Variants in ZKSCAN1 observed in about 807,000 individuals in gnomAD.
ZKSCAN1 encodes the protein zinc finger with KRAB and SCAN domains 1.
ZKSCAN1 carries 14 observed loss-of-function variants against 51.6 expected under a neutral mutation model. The observed-to-expected ratio is 0.27, with a 90% CI of 0.18 to 0.42. ZKSCAN1 has a LOEUF of 0.42. ZKSCAN1 is among the 10% of genes least tolerant of loss of function. The pLI is 1.00. For synonymous variants in ZKSCAN1, 263 were observed against 261.5 expected (o/e 1.01, Z -0.06); for missense variants, 531 against 710.0 (o/e 0.75, Z 2.86).
chr7:100,040,834 A>G lies in ZKSCAN1; in HGVS notation c.*6637A>G. 1.0e-5 allele frequency: 10 copies of G among 985,458 alleles called. No homozygotes were observed. The highest frequency in any genetic ancestry group is 1.2e-5 in the Non-Finnish European group (10 of 829,942). The allele number at this position is 985,458 out of a possible 1,614,324, so 61.0% of individuals were successfully genotyped here. A position where few individuals can be genotyped will look rare whatever the true frequency, so the allele number is the denominator to read the frequency against. On this transcript the variant is annotated 3_prime_UTR_variant, in exon 6 of 6. Coordinates refer to ENST00000324306, the MANE Select transcript of ZKSCAN1 (RefSeq NM_003439.4). ...TTTAAAGCTTTTAGCCTGCCCTAGC[A>G]AGGACAAAGCATGTTAGATTAGAGA...
rs553055325 is a variant in ZKSCAN1, at chr7:100,033,930, C to T, written c.1425C>T (p.Asp475=). The T allele has an allele frequency of 1.2e-5, 19 of 1,614,142 alleles. No individual in the cohort carries two copies. Among genetic ancestry groups the T allele is most frequent in the Admixed American group, 3.3e-5 (2 of 60,016 alleles). ...GGAAGGCCTTCAGCCAGAGCTCGGA[C>T]CTCACCAAGCATCAGAGAATTCACA... is the stretch of plus-strand genomic sequence containing the variant. ...ECGKAFSQSS[D]LTKHQRIHTG... The change falls in exon 6 of 6, where the codon GAC becomes GAT. Residue 475 remains aspartate (D), a synonymous_variant. Coordinates refer to ENST00000324306, the MANE Select transcript of ZKSCAN1 (RefSeq NM_003439.4). The surrounding 1 kb of genome is among the most constrained non-coding windows in gnomAD (Gnocchi z 4.1).
At position 100,015,713 on chromosome 7, in the gene ZKSCAN1, T is replaced by C. The variant is rs1250191603; in HGVS notation, c.-102T>C. The stretch of plus-strand genomic sequence containing the variant: ...TTCTCGCCCAGCGCCCCCAGGCCGC[T>C]CCCGGGGCTCACGGTGAGACTTGGG... On this transcript the variant is annotated 5_prime_UTR_variant, in exon 1 of 6. Transcript: ENST00000324306. 1.4e-5 allele frequency: 2 copies of C among 146,440 alleles called. No homozygotes were observed. The highest frequency in any genetic ancestry group is 2.2e-4 in the East Asian group (1 of 4,532). The allele number at this position is 146,440 out of a possible 1,614,324, so 9.1% of individuals were successfully genotyped here. A position where few individuals can be genotyped will look rare whatever the true frequency, so the allele number is the denominator to read the frequency against.
chr7:100,039,260 C>G lies in ZKSCAN1; in HGVS notation c.*5063C>G. 1.1e-6 allele frequency: 1 copy of G among 949,124 alleles called. No individual in the cohort carries two copies. The highest frequency in any genetic ancestry group is 1.3e-6 in the Non-Finnish European group (1 of 797,798). The allele number at this position is 949,124 out of a possible 1,614,324, so 58.8% of individuals were successfully genotyped here. On this transcript the variant is annotated 3_prime_UTR_variant, in exon 6 of 6. Coordinates refer to ENST00000324306, the MANE Select transcript of ZKSCAN1 (RefSeq NM_003439.4). ...CTGGGAGGCAGAGGTTGCAGTGAGC[C>G]GAGATTGCACCACTGCACTCCAGCC...
chr7:100,030,217 G>T (rs1243544693), intron 4 of ZKSCAN1, 32 bp from the exon 5 acceptor site: 1 of 1,606,414 alleles, frequency 6.2e-7, no homozygotes, highest in South Asian at 1.1e-5. Flanking sequence ...TGAGTTTGGG[G>T]GGAAATGACT....
chr7:100,026,725 A>AG (rs1362181920), intron 3 of ZKSCAN1, among the ~76,000 whole-genome samples: 26 of 152,030 alleles, frequency 1.7e-4, no homozygotes, highest in African/African-American at 5.8e-4. Flanking sequence ...ACTCTGTCTC[A>AG]GAAAAAAAAA....
At chr7:100,022,985 T>C (rs1254711379) in intron 1 of ZKSCAN1, among the ~76,000 whole-genome samples, 2 of 152,038 alleles carry the variant, frequency 1.3e-5, no homozygotes, top group South Asian at 2.1e-4. Context: ...ACAGTGGAGA[T>C]TGTACAGTTT....
Position 100,033,732 on chromosome 7 carries a change from G to A in ZKSCAN1, c.1227G>A (p.Glu409=), listed in dbSNP as rs1316198692. 5 of 1,614,088 alleles carry A rather than the reference G, an allele frequency of 3.1e-6. No individual in the cohort carries two copies. The highest frequency in any genetic ancestry group is 1.3e-5 in the African/African-American group (1 of 74,926). The change falls in exon 6 of 6, where the codon GAG becomes GAA. Residue 409 remains glutamate, a synonymous_variant. Coordinates refer to ENST00000324306, the MANE Select transcript of ZKSCAN1 (RefSeq NM_003439.4). The surrounding 1 kb of genome is among the most constrained non-coding windows in gnomAD (Gnocchi z 4.1). The part of the protein sequence containing the change: ...HTGEKPYECS[E]CGKAFSLNSN... Reference sequence around the variant, plus strand: ...GAGAAAAGCCCTATGAATGTAGTGAGTGTGGGAAAGCCTTCAGTCTTAACT... The same window carrying A: ...GAGAAAAGCCCTATGAATGTAGTGAATGTGGGAAAGCCTTCAGTCTTAACT...
Position 100,033,619 on chromosome 7 carries a change from A to G in ZKSCAN1, c.1114A>G (p.Thr372Ala). The change falls in exon 6 of 6, where the codon ACG (threonine) becomes GCG (alanine). Residue 372 changes from threonine to alanine, a missense_variant. Coordinates refer to ENST00000324306, the MANE Select transcript of ZKSCAN1 (RefSeq NM_003439.4). The surrounding 1 kb of genome is among the most constrained non-coding windows in gnomAD (Gnocchi z 4.1). ...CTTCACCACCCCTGAAGAAGTTCCC[A>G]CGGGAACAAAGTCTCACAGATGTGA... ...SNFTTPEEVP[T>A]GTKSHRCDEC... is the part of the protein sequence containing the mutation. 1 of 1,614,240 alleles carries G rather than the reference A, an allele frequency of 6.2e-7. No individual in the cohort carries two copies. The highest frequency in any genetic ancestry group is 1.1e-5 in the South Asian group (1 of 91,084).
Position 100,023,400 on chromosome 7 carries a change from C to CT in ZKSCAN1, c.-88-10dup, listed in dbSNP as rs200683439. On this transcript the variant is annotated intron_variant, in intron 1 of 5. Coordinates refer to ENST00000324306, the MANE Select transcript of ZKSCAN1 (RefSeq NM_003439.4). Reference sequence around the variant, plus strand: ...TTTTTGTAAAGGTACGTACTAATGACTTTTTTTTTATACTTCAGGAATAGT... The same window carrying CT: ...TTTTTGTAAAGGTACGTACTAATGACTTTTTTTTTTATACTTCAGGAATAGT... The CT allele has an allele frequency of 2.0e-3, 2,656 of 1,306,052 alleles. 3 individuals are homozygous for CT. The highest frequency in any genetic ancestry group is 2.5e-3 in the Non-Finnish European group (2,391 of 955,684). 80.9% of individuals were successfully genotyped at this position (1,306,052 alleles called of 1,614,324 possible).
chr7:100,039,912 A>AT lies in ZKSCAN1; in HGVS notation c.*5720dup. 1 of 982,480 alleles carries AT rather than the reference A, an allele frequency of 1.0e-6. No individual in the cohort carries two copies. Among genetic ancestry groups the AT allele is most frequent in the Non-Finnish European group, 1.2e-6 (1 of 827,308 alleles). 60.9% of individuals were successfully genotyped at this position (982,480 alleles called of 1,614,324 possible). The stretch of plus-strand genomic sequence containing the variant: ...GATCATTTCATAGAAATTAGGGTAG[A>AT]TTTTTATTTCAACTACTACTGGAGA... On this transcript the variant is annotated 3_prime_UTR_variant, in exon 6 of 6. Transcript: ENST00000324306.
At position 100,037,287 on chromosome 7, in the gene ZKSCAN1, T is replaced by C. The variant is rs1791406319; in HGVS notation, c.*3090T>C. 8 of 985,438 alleles carry C rather than the reference T, an allele frequency of 8.1e-6. No homozygotes were observed. The highest frequency in any genetic ancestry group is 9.6e-6 in the Non-Finnish European group (8 of 829,926). 61.0% of individuals were successfully genotyped at this position (985,438 alleles called of 1,614,324 possible). ...TGGAAATTTTTGAAGAGTTTTTCAA[T>C]ATATACCCTACCCTTGCCAGGAAGA... On this transcript the variant is annotated 3_prime_UTR_variant, in exon 6 of 6. Transcript: ENST00000324306.
intron 2 of ZKSCAN1, 94 bp downstream of exon 2, chr7:100,024,026 G>A (rs981986796): frequency 1.8e-5 from 28 of 1,520,504 alleles, no homozygotes; most frequent in Middle Eastern, 3.5e-4. Context: ...TTATTAGGTG[G>A]TTACTCTGTC....
rs2115934400 is a variant in ZKSCAN1, at chr7:100,033,179, A to G, written c.800-126A>G. ...AGAGCGAGACTCTGTCTCAAAGGAA[A>G]TAAAAATAAAAATATTGCAAAGTCA... On this transcript the variant is annotated intron_variant, in intron 5 of 5. Transcript: ENST00000324306. This position sits in a 1 kb window ranked among gnomAD's most constrained non-coding sequence, Gnocchi z 4.1. 7.0e-7 allele frequency: 1 copy of G among 1,429,312 alleles called. No homozygotes were observed. Among genetic ancestry groups the G allele is most frequent in the Middle Eastern group, 2.5e-4 (1 of 3,956 alleles). 88.5% of individuals were successfully genotyped at this position (1,429,312 alleles called of 1,614,324 possible). A position where few individuals can be genotyped will look rare whatever the true frequency, so the allele number is the denominator to read the frequency against.
intron 3 of ZKSCAN1, among the ~76,000 whole-genome samples, chr7:100,026,945 T>C (rs995034469): frequency 6.6e-6 from 1 of 151,918 alleles, no homozygotes; most frequent in African/African-American, 2.4e-5. Flanking sequence ...TAAGCTTTTT[T>C]TGTTAAAAAT....
chr7:100,024,253 A>C lies in ZKSCAN1; in HGVS notation c.526A>C (p.Thr176Pro). The change falls in exon 3 of 6, where the codon ACC (threonine) becomes CCC (proline). Residue 176 changes from threonine to proline, a missense_variant. Transcript: ENST00000324306. ...GAGCTTTGACCTTCATCACGAGGCCACCCAGTCCCACTTCAAACATTCGTC... is the reference window on the plus strand; with the variant it reads ...GAGCTTTGACCTTCATCACGAGGCCCCCCAGTCCCACTTCAAACATTCGTC... ...SSSFDLHHEA[T>P]QSHFKHSSRK... 1 of 1,613,898 alleles carries C rather than the reference A, an allele frequency of 6.2e-7. No individual in the cohort carries two copies.
intron 1 of ZKSCAN1, among the ~76,000 whole-genome samples, chr7:100,022,260 G>A (rs1417686674): frequency 1.3e-5 from 2 of 152,188 alleles, no homozygotes; most frequent in African/African-American, 4.8e-5. Context: ...TCACCATGTT[G>A]ACCAGGATGG....
chr7:100,035,858 A>G lies in ZKSCAN1; in HGVS notation c.*1661A>G, dbSNP rs555475921. The G allele has an allele frequency of 5.1e-6, 5 of 985,250 alleles. No homozygotes were observed. In the South Asian group the frequency reaches 1.9e-4, roughly 37 times the overall value. The allele number at this position is 985,250 out of a possible 1,614,324, so 61.0% of individuals were successfully genotyped here. On this transcript the variant is annotated 3_prime_UTR_variant, in exon 6 of 6. Transcript: ENST00000324306. ...ACTGTTTCACACACAGGAGATTGTG[A>G]GCTGTGTAAGTAGTCATCGCCACTC...
At position 100,040,780 on chromosome 7, in the gene ZKSCAN1, C is replaced by T; in HGVS notation, c.*6583C>T. ...TGGTACCCGAGCGCCTTCCCCTCAC[C>T]TCAACCAGAGAAGAGCATCCGGTTG... On this transcript the variant is annotated 3_prime_UTR_variant, in exon 6 of 6. Coordinates refer to ENST00000324306, the MANE Select transcript of ZKSCAN1 (RefSeq NM_003439.4). The T allele has an allele frequency of 4.1e-6, 4 of 985,460 alleles. No individual in the cohort carries two copies. Among genetic ancestry groups the T allele is most frequent in the African/African-American group, 1.7e-5 (1 of 57,358 alleles). The allele number at this position is 985,460 out of a possible 1,614,324, so 61.0% of individuals were successfully genotyped here.
intron 5 of ZKSCAN1, 35 bp downstream of exon 5, chr7:100,030,410 G>A: frequency 6.3e-7 from 1 of 1,596,742 alleles, no homozygotes; most frequent in South Asian, 1.1e-5. Context: ...CTGATAAGAT[G>A]GTTTTGTCTC....
Sources: allele counts gnomAD v4.1 joint callset (sites outside exome capture counted in the v4.1 genomes callset), GRCh38; gene constraint gnomAD v4.1.1; non-coding constraint Gnocchi (gnomAD v3.1); transcripts MANE v1.5; gene names NCBI Gene and HGNC (gene_info 2026-07-23, HGNC 2026-07-21).